TVP23C: variants seen among roughly 807,000 people sequenced by gnomAD.
TVP23C encodes the protein trans-golgi network vesicle protein 23 homolog C.
A neutral mutation model predicts 28.7 loss-of-function variants in TVP23C; 19 were observed. The ratio of observed to expected loss-of-function variants is 0.66; its 90% confidence interval spans 0.46 to 0.97. The LOEUF (loss-of-function observed/expected upper bound fraction) is 0.97, where lower values mean the gene tolerates loss of function less well. TVP23C is among the 50% of genes least tolerant of loss of function. The probability of loss-of-function intolerance (pLI) is 0.00; values close to 1 mark genes in which losing one functional copy is unlikely to be tolerated. For missense variants in TVP23C, 186 were observed against 241.3 expected (o/e 0.77, Z 1.52); for synonymous variants, 68 against 81.7 (o/e 0.83, Z 0.90).
At chr17:15,503,027 G>T (rs779230095) in exon 6 of TVP23C, 1 of 1,614,118 alleles carries the variant, frequency 6.2e-7, no homozygotes, top group Admixed American at 1.7e-5. Context: ...AAGAGGTGGA[G>T]AACTAAGGCG....
At chr17:15,521,340 A>T (rs1982467714) in intron 5 of TVP23C, among the ~76,000 whole-genome samples, 1 of 152,060 alleles carries the variant, frequency 6.6e-6, no homozygotes, top group South Asian at 2.1e-4. Context: ...CATCTCTACT[A>T]AATATACAAA....
At chr17:15,556,360 AG>A (rs1398596433) in intron 1 of TVP23C, among the ~76,000 whole-genome samples, 2 of 122,046 alleles carry the variant, frequency 1.6e-5, no homozygotes, top group African/African-American at 3.1e-5. Flanking sequence ...CTTTTACCTT[AG>A]GCTTTTTTTT....
At chr17:15,553,430 C>G (rs1206125566) in intron 3 of TVP23C, among the ~76,000 whole-genome samples, 1 of 150,334 alleles carries the variant, frequency 6.7e-6, no homozygotes, top group Non-Finnish European at 1.5e-5. Flanking sequence ...GTTTATTTGA[C>G]TTTAAAGCTG....
intron 5 of TVP23C, among the ~76,000 whole-genome samples, chr17:15,512,197 T>C (rs139564353): frequency 6.6e-6 from 1 of 152,350 alleles, no homozygotes; most frequent in East Asian, 1.9e-4. Context: ...CTCTTCTGTC[T>C]TTCTTGGGAT....
chr17:15,544,938 G>A (rs1328827376), intron 5 of TVP23C, among the ~76,000 whole-genome samples: 1 of 152,000 alleles, frequency 6.6e-6, no homozygotes, highest in Non-Finnish European at 1.5e-5. Flanking sequence ...TAAATATTGT[G>A]TGAAAATTCA....
downstream of TVP23C, chr17:15,536,921 ATATCATC>A (rs1983179862): frequency 4.3e-6 from 1 of 235,200 alleles, no homozygotes; most frequent in Non-Finnish European, 6.9e-6. Flanking sequence ...AAGTTCAGTT[ATATCATC>A]TAAAGTATTA....
At position 15,511,433 on chromosome 17, in the gene TVP23C, T is replaced by C. The variant is rs191182441; in HGVS notation, c.463-8201A>G. ...GGAAGCCTTAATTGTAATTCATTAA[T>C]ACAGCAGCATCCTAAAAGTTACTGC... On this transcript the variant is annotated intron_variant, in intron 5 of 5. Coordinates refer to the TVP23C transcript ENST00000225576. 2.8e-4 allele frequency among the ~76,000 whole-genome samples: 42 copies of C among 152,340 alleles called. 1 individual carries two copies. The East Asian group carries it at 7.9e-3, about 29-fold the overall frequency.
intron 5 of TVP23C, among the ~76,000 whole-genome samples, chr17:15,520,165 T>C (rs1982412063): frequency 6.6e-6 from 1 of 151,060 alleles, no homozygotes; most frequent in Non-Finnish European, 1.5e-5. Context: ...TTCACCAAAA[T>C]CCTCTTTCTC....
rs551606932 is a variant in TVP23C at position 15,544,416 on chromosome 17, A to G, written c.462+1369T>C. On this transcript the variant is annotated intron_variant, in intron 5 of 5. Coordinates refer to ENST00000518321, the MANE Select transcript of TVP23C (RefSeq NM_001135036.2). Reference sequence around the variant, plus strand: ...AAGATAACTATTATAAAACTTGGTAACACAAAAATAACATTGGAACAAACA... The same window carrying G: ...AAGATAACTATTATAAAACTTGGTAGCACAAAAATAACATTGGAACAAACA... Among the ~76,000 whole-genome samples, 4 of 152,276 alleles carry G rather than the reference A, an allele frequency of 2.6e-5. No individual in the cohort carries two copies. The South Asian group carries it at 8.3e-4, about 32-fold the overall frequency.
chr17:15,558,167 G>A (rs1050931254), intron 1 of TVP23C, among the ~76,000 whole-genome samples: 1 of 148,694 alleles, frequency 6.7e-6, no homozygotes, highest in African/African-American at 2.4e-5. Flanking sequence ...ATGATGTTAT[G>A]AATAAAAAGC....
rs1597530935 is a variant in TVP23C at position 15,539,695 on chromosome 17, C to T, written c.*717G>A. The T allele has an allele frequency of 2.0e-6, 2 of 985,220 alleles. No homozygotes were observed. The highest frequency in any genetic ancestry group is 1.2e-6 in the Non-Finnish European group (1 of 829,928). The allele number at this position is 985,220 out of a possible 1,614,324, so 61.0% of individuals were successfully genotyped here. ...ACTACTACTCATCCTGCTGAAAACC[C>T]TGATGTTGAGGTATTATAGTAAAAT... On this transcript the variant is annotated 3_prime_UTR_variant, in exon 6 of 6. Transcript: ENST00000518321.
intron 5 of TVP23C, among the ~76,000 whole-genome samples, chr17:15,508,458 G>A (rs1444142581): frequency 1.3e-5 from 2 of 152,078 alleles, no homozygotes; most frequent in African/African-American, 2.4e-5. Context: ...GCAGCATCCC[G>A]CTCAGGTCCT....
At chr17:15,530,489 T>G (rs1373859494) in intron 5 of TVP23C, among the ~76,000 whole-genome samples, 1 of 152,246 alleles carries the variant, frequency 6.6e-6, no homozygotes, top group African/African-American at 2.4e-5. Context: ...GTTATAACCC[T>G]ATCAACATTA....
At chr17:15,504,534 C>A (rs1474249002) in intron 5 of TVP23C, among the ~76,000 whole-genome samples, 1 of 151,982 alleles carries the variant, frequency 6.6e-6, no homozygotes, top group African/African-American at 2.4e-5. Flanking sequence ...GCTGCAGTAG[C>A]ATGAAGGATA....
chr17:15,511,627 G>A (rs916378633), intron 5 of TVP23C, among the ~76,000 whole-genome samples: 1 of 151,864 alleles, frequency 6.6e-6, no homozygotes, highest in African/African-American at 2.4e-5. Context: ...AGTTTTTTTT[G>A]TTCTAATCCA....
At chr17:15,533,466 C>T (rs565962529), downstream of TVP23C, among the ~76,000 whole-genome samples, 1 of 152,322 alleles carries the variant, frequency 6.6e-6, no homozygotes, top group Non-Finnish European at 1.5e-5. Context: ...TGAACAAAGA[C>T]TACAACCTTC....
At chr17:15,555,101 G>C (rs967422955) in intron 2 of TVP23C, among the ~76,000 whole-genome samples, 181 bp downstream of exon 2, 3 of 152,174 alleles carry the variant, frequency 2.0e-5, no homozygotes, top group African/African-American at 7.2e-5. Context: ...TATTAAGTAT[G>C]CCAATTATTC....
chr17:15,554,203 T>C (rs1303160553), intron 2 of TVP23C, among the ~76,000 whole-genome samples: 2 of 152,006 alleles, frequency 1.3e-5, no homozygotes, highest in Non-Finnish European at 2.9e-5. Flanking sequence ...CACTCAGACA[T>C]TAAGACAAAG....
chr17:15,541,603 C>A (rs1983412746), intron 5 of TVP23C, among the ~76,000 whole-genome samples: 1 of 151,996 alleles, frequency 6.6e-6, no homozygotes, highest in African/African-American at 2.4e-5. Flanking sequence ...ATTCTCCTTA[C>A]CCTTAACAAG....
Sources: gnomAD v4.1 joint callset for allele counts (sites outside exome capture counted in the v4.1 genomes callset) on GRCh38, gnomAD v4.1.1 for gene constraint, MANE v1.5 for transcripts, NCBI Gene and HGNC (gene_info 2026-07-23, HGNC 2026-07-21) for gene names.